LHCGR: variants seen among roughly 807,000 people sequenced by gnomAD.
LHCGR encodes the protein lutropin-choriogonadotropic hormone receptor.
Under a neutral mutation model 60.7 loss-of-function variants are expected in LHCGR, and 55 were observed. The observed-to-expected ratio is 0.91, with a 90% CI of 0.73 to 1.13. The LOEUF (loss-of-function observed/expected upper bound fraction) is 1.13. LHCGR is among the 50% of genes most tolerant of loss of function. LHCGR has a pLI of 0.00. For missense variants in LHCGR, 862 were observed against 836.0 expected (o/e 1.03, Z -0.38); for synonymous variants, 337 against 316.5 (o/e 1.06, Z -0.69).
At chr2:48,726,983 C>G (rs942142126) in intron 3 of LHCGR, among the ~76,000 whole-genome samples, 1 of 152,194 alleles carries the variant, frequency 6.6e-6, no homozygotes, top group Non-Finnish European at 1.5e-5. Flanking sequence ...TACAGTTACC[C>G]ACCACTTGTG....
In LHCGR at chr2:48,755,619, T is replaced by TGCA. The variant is rs1553401008; in HGVS notation, c.50_52dup (p.Leu17dup). 36 of 1,531,182 alleles carry TGCA rather than the reference T, an allele frequency of 2.4e-5. No individual in the cohort carries two copies. In the East Asian group the frequency reaches 2.9e-4, roughly 12 times the overall value. 94.8% of individuals were successfully genotyped at this position (1,531,182 alleles called of 1,614,324 possible). A position where few individuals can be genotyped will look rare whatever the true frequency, so the allele number is the denominator to read the frequency against. ...GCGCAGCGCTCGTGGCAGCGGCGGCTGCAGCAGCAGCAGCAGCTTCAGCAG... is the reference window on the plus strand; with the variant it reads ...GCGCAGCGCTCGTGGCAGCGGCGGCTGCAGCAGCAGCAGCAGCAGCTTCAGCAG... On this transcript the variant is annotated inframe_insertion, in exon 1 of 11. Transcript: ENST00000294954.
intron 1 of LHCGR, among the ~76,000 whole-genome samples, chr2:48,751,257 T>A (rs1051551887): frequency 1.8e-4 from 28 of 152,216 alleles, no homozygotes; most frequent in African/African-American, 6.3e-4. Flanking sequence ...ATTGGGATTT[T>A]TTTTTCTTTT....
At chr2:48,706,993 G>C (rs1667715366) in intron 8 of LHCGR, among the ~76,000 whole-genome samples, 2 of 152,132 alleles carry the variant, frequency 1.3e-5, no homozygotes. Flanking sequence ...GGAATTTTCA[G>C]CCTTTCTGCT....
Position 48,688,218 on chromosome 2 carries a change from A to T in LHCGR, c.1579T>A (p.Tyr527Asn). ...MDVETTLSQV[Y>N]ILTILILNVV... ...TTGAGAATCAGGATGGTTAATATAT[A>T]GACTTGTGAGAGAGTGGTTTCCACA... The change falls in exon 11 of 11, where the codon TAT (tyrosine) becomes AAT (asparagine). Residue 527 changes from tyrosine (Y) to asparagine (N), a missense_variant. Coordinates refer to ENST00000294954, the MANE Select transcript of LHCGR (RefSeq NM_000233.4). The surrounding 1 kb of genome is among the most constrained non-coding windows in gnomAD (Gnocchi z 5.2). 6.2e-7 allele frequency: 1 copy of T among 1,614,222 alleles called. No individual in the cohort carries two copies. The highest frequency in any genetic ancestry group is 8.5e-7 in the Non-Finnish European group (1 of 1,180,034).
intron 10 of LHCGR, among the ~76,000 whole-genome samples, chr2:48,691,487 T>C (rs965744572): frequency 6.6e-6 from 1 of 152,136 alleles, no homozygotes; most frequent in Non-Finnish European, 1.5e-5. Context: ...TTTTTTAATC[T>C]TTAAAGGGAG....
At chr2:48,740,425 C>T (rs1572886583) in intron 1 of LHCGR, among the ~76,000 whole-genome samples, 1 of 152,348 alleles carries the variant, frequency 6.6e-6, no homozygotes, top group East Asian at 1.9e-4. Context: ...GTAACCTCTG[C>T]AGACTTAAAT....
At chr2:48,700,599 C>G (rs1348812803) in intron 8 of LHCGR, among the ~76,000 whole-genome samples, 1 of 152,204 alleles carries the variant, frequency 6.6e-6, no homozygotes, top group African/African-American at 2.4e-5. Context: ...AGGCAGCTCT[C>G]TTTGTTTGCC....
At chr2:48,712,569 C>A (rs557267647) in intron 7 of LHCGR, among the ~76,000 whole-genome samples, 32 of 152,156 alleles carry the variant, frequency 2.1e-4, no homozygotes, top group African/African-American at 7.5e-4. Context: ...GCAAATTCAC[C>A]CCATGATAGG....
chr2:48,738,990 G>A (rs1336733074), intron 1 of LHCGR, among the ~76,000 whole-genome samples: 1 of 152,146 alleles, frequency 6.6e-6, no homozygotes, highest in Admixed American at 6.5e-5. Context: ...TCCTGAACTT[G>A]ACTCACACTT....
chr2:48,708,106 A>G (rs1667786340), intron 8 of LHCGR, among the ~76,000 whole-genome samples: 1 of 152,180 alleles, frequency 6.6e-6, no homozygotes. Context: ...CGTCTTCTGC[A>G]TCGATCTCGC....
chr2:48,710,850 T>G (rs536078867), intron 7 of LHCGR, among the ~76,000 whole-genome samples: 45 of 152,350 alleles, frequency 3.0e-4, no homozygotes, highest in African/African-American at 1.1e-3. Context: ...AAGGGTTGAA[T>G]GTATCGTTTG....
At chr2:48,755,460 G>A in intron 1 of LHCGR, 51 bp downstream of exon 1, 1 of 1,189,160 alleles carries the variant, frequency 8.4e-7, no homozygotes, top group Non-Finnish European at 1.2e-6. Context: ...GGCATAGAGC[G>A]ATGGAGGGTC....
At chr2:48,737,628 T>C (rs2103663463) in intron 1 of LHCGR, among the ~76,000 whole-genome samples, 1 of 152,368 alleles carries the variant, frequency 6.6e-6, no homozygotes, top group East Asian at 1.9e-4. Context: ...TGTCTTCACT[T>C]ATTGGCCTAT....
At position 48,687,615 on chromosome 2, in the gene LHCGR, C is replaced by A; in HGVS notation, c.*82G>T. On this transcript the variant is annotated 3_prime_UTR_variant, in exon 11 of 11. Coordinates refer to ENST00000294954, the MANE Select transcript of LHCGR (RefSeq NM_000233.4). ...AATAAATAATTTCCTAAATCCAACC[C>A]TTTATGTTAAAATTACTGGTACAGG... 2 of 1,180,062 alleles carry A rather than the reference C, an allele frequency of 1.7e-6. No homozygotes were observed. The highest frequency in any genetic ancestry group is 2.5e-5 in the South Asian group (2 of 80,588). The allele number at this position is 1,180,062 out of a possible 1,614,324, so 73.1% of individuals were successfully genotyped here. A position where few individuals can be genotyped will look rare whatever the true frequency, so the allele number is the denominator to read the frequency against.
In LHCGR at chr2:48,698,597, CT is replaced by C; in HGVS notation, c.866+17del. ...CTGCCACAGCTTGGGTAGGCTTTAC[CT>C]TTTGGTTTCTACTTACTCTTTTGTT... On this transcript the variant is annotated intron_variant, in intron 9 of 10. Coordinates refer to ENST00000294954, the MANE Select transcript of LHCGR (RefSeq NM_000233.4). The C allele has an allele frequency of 6.2e-7, 1 of 1,608,090 alleles. No individual in the cohort carries two copies. Among genetic ancestry groups the C allele is most frequent in the Non-Finnish European group, 8.5e-7 (1 of 1,175,006 alleles).
At chr2:48,729,252 A>C in intron 2 of LHCGR, 25 bp from the exon 3 acceptor site, 1 of 1,537,394 alleles carries the variant, frequency 6.5e-7, no homozygotes. Flanking sequence ...AGGGGGAAAA[A>C]GAGAAAGAAA....
chr2:48,750,647 G>A lies in LHCGR; in HGVS notation c.161+4864C>T, dbSNP rs76967357. Among the ~76,000 whole-genome samples, 6 of 152,302 alleles carry A rather than the reference G, an allele frequency of 3.9e-5. No homozygotes were observed. The East Asian group carries it at 1.2e-3, about 29-fold the overall frequency. ...GTAGACATGCTTCTTTTCTGCATGAGTTAATTGTTCCTATTCAGCTATCTC... is the reference window on the plus strand; with the variant it reads ...GTAGACATGCTTCTTTTCTGCATGAATTAATTGTTCCTATTCAGCTATCTC... On this transcript the variant is annotated intron_variant, in intron 1 of 10. Transcript: ENST00000294954.
intron 6 of LHCGR, among the ~76,000 whole-genome samples, chr2:48,715,473 C>T (rs186182279): frequency 6.6e-6 from 1 of 152,188 alleles, no homozygotes; most frequent in Admixed American, 6.5e-5. Context: ...TATCTGCCAA[C>T]ACCCTAACTT....
chr2:48,711,922 TC>T (rs1425620019), intron 7 of LHCGR, among the ~76,000 whole-genome samples: 1 of 152,156 alleles, frequency 6.6e-6, no homozygotes, highest in African/African-American at 2.4e-5. Flanking sequence ...CAATGGCTTC[TC>T]ATTTTCTGGA....
Sources: allele counts gnomAD v4.1 joint callset (sites outside exome capture counted in the v4.1 genomes callset), GRCh38; gene constraint gnomAD v4.1.1; non-coding constraint Gnocchi (gnomAD v3.1); transcripts MANE v1.5; gene names NCBI Gene and HGNC (gene_info 2026-07-23, HGNC 2026-07-21).